The following LGSN variants were observed in gnomAD, a reference collection of about 807,000 sequenced individuals.
LGSN encodes lengsin, lens protein with glutamine synthetase domain, also known as lengsin.
Under a neutral mutation model 19.5 loss-of-function variants are expected in LGSN, and 21 were observed. That is an observed-to-expected ratio of 1.07 (90% confidence interval 0.76 to 1.55). LGSN has a LOEUF of 1.55. Ranked by LOEUF, LGSN falls within the 40% of genes most tolerant of loss-of-function variation. The pLI, the probability that LGSN is intolerant of heterozygous loss-of-function variation, is 0.00. For synonymous variants in LGSN, 257 were observed against 215.6 expected (o/e 1.19, Z -1.68); for missense variants, 673 against 608.5 (o/e 1.11, Z -1.12).
At chr6:63,538,626 A>T in the LGSN span, among the ~76,000 whole-genome samples, 1 of 152,336 alleles carries the variant, frequency 6.6e-6, no homozygotes, top group East Asian at 1.9e-4. Context: ...GAAAAAAAGA[A>T]GTTGAGATTG....
chr6:63,476,624 G>T, the LGSN span, among the ~76,000 whole-genome samples: 1 of 152,184 alleles, frequency 6.6e-6, no homozygotes, highest in South Asian at 2.1e-4. Flanking sequence ...CATGTGGCTG[G>T]GTCTTCTCAC....
At position 63,280,682 on chromosome 6, in the gene LGSN, T is replaced by G; in HGVS notation, c.869A>C (p.Lys290Thr). Residue 290 changes from lysine to threonine, a missense_variant, in exon 4 of 4, where the codon AAA becomes ACA. Physicochemically the swap from Lys to Thr is moderately conservative, Grantham distance 78. Transcript: ENST00000370657. The stretch of plus-strand genomic sequence containing the variant: ...GTAATTATATTTCCTTGCCACTTCT[T>G]TGACACCTGTTCTGAGGGTAAATGC... ...DNAFTLRTGV[K>T]EVARKYNYIA... is the part of the protein sequence containing the mutation. The G allele has an allele frequency of 6.2e-7, 1 of 1,614,134 alleles. No homozygotes were observed. The highest frequency in any genetic ancestry group is 1.6e-4 in the Middle Eastern group (1 of 6,062).
the LGSN span, among the ~76,000 whole-genome samples, chr6:63,370,665 C>T: frequency 6.6e-6 from 1 of 152,284 alleles, no homozygotes; most frequent in African/African-American, 2.4e-5. Context: ...GTGCCCTCCA[C>T]CCCCAGCTGA....
chr6:63,481,139 T>C, the LGSN span, among the ~76,000 whole-genome samples: 3 of 151,930 alleles, frequency 2.0e-5, no homozygotes, highest in African/African-American at 7.3e-5. Context: ...AAACCGTGTG[T>C]TCTCACTTAT....
chr6:63,384,923 A>C, the LGSN span, among the ~76,000 whole-genome samples: 1 of 152,224 alleles, frequency 6.6e-6, no homozygotes, highest in Admixed American at 6.5e-5. Context: ...GACACTTGAA[A>C]AGACACCAGG....
the LGSN span, among the ~76,000 whole-genome samples, chr6:63,383,238 C>T: frequency 3.9e-5 from 6 of 152,070 alleles, no homozygotes; most frequent in African/African-American, 1.4e-4. Flanking sequence ...ACTGGGATTA[C>T]AGGTATGAGC....
chr6:63,401,212 G>A, the LGSN span, among the ~76,000 whole-genome samples: 1 of 150,526 alleles, frequency 6.6e-6, no homozygotes, highest in Non-Finnish European at 1.5e-5. Context: ...GGGTAACATA[G>A]AGAGACCTAA....
intron 1 of LGSN, among the ~76,000 whole-genome samples, chr6:63,316,289 A>T (rs1768851995): frequency 6.6e-6 from 1 of 152,180 alleles, no homozygotes; most frequent in Non-Finnish European, 1.5e-5. Flanking sequence ...TGTAAATGAT[A>T]TAGCTGCTCC....
chr6:63,324,569 A>T (rs824371), upstream of LGSN, among the ~76,000 whole-genome samples: 9 of 152,006 alleles, frequency 5.9e-5, no homozygotes, highest in Non-Finnish European at 7.4e-5. Flanking sequence ...CAAGTGTTTT[A>T]TCAGACTCCA....
chr6:63,336,553 G>GTA, the LGSN span, among the ~76,000 whole-genome samples: 9 of 140,506 alleles, frequency 6.4e-5, no homozygotes, highest in African/African-American at 1.5e-4. Flanking sequence ...GTGTGTGTGT[G>GTA]TGTGTGTGTA....
the LGSN span, among the ~76,000 whole-genome samples, chr6:63,470,010 C>T: frequency 3.3e-5 from 5 of 152,132 alleles, no homozygotes; most frequent in Admixed American, 3.3e-4. Context: ...GCCACTGCGC[C>T]TGGCCACATT....
the LGSN span, among the ~76,000 whole-genome samples, chr6:63,458,903 A>C: frequency 6.6e-6 from 1 of 152,240 alleles, no homozygotes; most frequent in African/African-American, 2.4e-5. Context: ...TTACTGGAAG[A>C]GACAAATTAG....
chr6:63,309,161 G>A (rs1402289176), intron 1 of LGSN, among the ~76,000 whole-genome samples: 9 of 152,120 alleles, frequency 5.9e-5, no homozygotes, highest in Non-Finnish European at 1.2e-4. Context: ...GGCCGGGCGC[G>A]GTGGCTCACG....
chr6:63,490,547 T>C, the LGSN span, among the ~76,000 whole-genome samples: 1 of 152,012 alleles, frequency 6.6e-6, no homozygotes, highest in Non-Finnish European at 1.5e-5. Context: ...CCAAAAGGTA[T>C]CTATTTTATT....
At chr6:63,559,635 C>T in the LGSN span, among the ~76,000 whole-genome samples, 548 of 152,090 alleles carry the variant, frequency 3.6e-3, 5 homozygotes, top group African/African-American at 0.013. Flanking sequence ...ATCCCAGCTA[C>T]TCAGGAGGCT....
the LGSN span, among the ~76,000 whole-genome samples, chr6:63,426,184 T>C: frequency 1.2e-4 from 19 of 152,318 alleles, no homozygotes; most frequent in Admixed American, 1.1e-3. Context: ...AGAGTGGTGG[T>C]TGTTTCACAC....
the LGSN span, among the ~76,000 whole-genome samples, chr6:63,517,008 G>A: frequency 6.6e-6 from 1 of 152,128 alleles, no homozygotes; most frequent in Non-Finnish European, 1.5e-5. Context: ...CGAAGCCATT[G>A]TTTTGGGATA....
At chr6:63,430,649 AAGTGT>A in the LGSN span, among the ~76,000 whole-genome samples, 1 of 152,126 alleles carries the variant, frequency 6.6e-6, no homozygotes, top group Admixed American at 6.5e-5. Flanking sequence ...CGGCCTCTGA[AAGTGT>A]TGGGATTACA....
chr6:63,426,335 G>A, the LGSN span, among the ~76,000 whole-genome samples: 3 of 152,108 alleles, frequency 2.0e-5, no homozygotes, highest in South Asian at 2.1e-4. Context: ...CTCCATAAAC[G>A]CAATTATAGT....
Sources: allele counts gnomAD v4.1 joint callset (sites outside exome capture counted in the v4.1 genomes callset), GRCh38; gene constraint gnomAD v4.1.1; transcripts MANE v1.5; gene names NCBI Gene and HGNC (gene_info 2026-07-23, HGNC 2026-07-21).